SCD5: variants seen among roughly 807,000 people sequenced by gnomAD.
SCD5 encodes acyl-CoA-desaturase 4.
Under a neutral mutation model 30.4 loss-of-function variants are expected in SCD5, and 20 were observed. The observed-to-expected ratio is 0.66, with a 90% CI of 0.46 to 0.96. The LOEUF is 0.96. Ranked by LOEUF, SCD5 falls within the 40% of genes least tolerant of loss-of-function variation. SCD5 has a pLI of 0.00. For synonymous variants in SCD5, 173 were observed against 176.4 expected (o/e 0.98, Z 0.16); for missense variants, 381 against 443.3 (o/e 0.86, Z 1.26).
At chr4:82,724,631 T>C (rs1315366912) in intron 1 of SCD5, among the ~76,000 whole-genome samples, 1 of 152,192 alleles carries the variant, frequency 6.6e-6, no homozygotes, top group Non-Finnish European at 1.5e-5. Flanking sequence ...ATGGTGGCCG[T>C]GATTAGCTCT....
rs1300550137 is a variant in SCD5 at position 82,796,748 on chromosome 4, G to GGGAGA, written c.232+1553_232+1557dup. ...CCCAGCCCTGCCTCTGGAAGCAGGG[G>GGGAGA]GGAGAGAGGAGCTTGTTGGAGAACT... is the stretch of plus-strand genomic sequence containing the variant. On this transcript the variant is annotated intron_variant, in intron 1 of 4. Coordinates refer to ENST00000319540, the MANE Select transcript of SCD5 (RefSeq NM_001037582.3). 2.6e-5 allele frequency among the ~76,000 whole-genome samples: 4 copies of GGGAGA among 152,344 alleles called. No individual in the cohort carries two copies. The East Asian group carries it at 7.7e-4, about 29-fold the overall frequency.
chr4:82,705,518 G>A (rs1007199887), intron 1 of SCD5, 105 bp from the exon 2 acceptor site: 5 of 1,453,746 alleles, frequency 3.4e-6, no homozygotes, highest in Non-Finnish European at 4.7e-6. Flanking sequence ...ATGGTGTCAG[G>A]GGGGAAAGCT....
chr4:82,739,399 C>T (rs1294536603), intron 1 of SCD5, among the ~76,000 whole-genome samples: 1 of 152,220 alleles, frequency 6.6e-6, no homozygotes, highest in Non-Finnish European at 1.5e-5. Context: ...ACATCCCCTC[C>T]AGCTTTAAAT....
intron 1 of SCD5, among the ~76,000 whole-genome samples, chr4:82,759,321 T>C (rs1013737296): frequency 2.0e-5 from 3 of 152,194 alleles, no homozygotes; most frequent in African/African-American, 7.2e-5. Flanking sequence ...ATGTGGGCAG[T>C]TCCCCAAGGG....
At chr4:82,770,373 C>T (rs1485041657) in intron 1 of SCD5, among the ~76,000 whole-genome samples, 3 of 152,288 alleles carry the variant, frequency 2.0e-5, no homozygotes, top group Middle Eastern at 3.4e-3. Context: ...TAGCTGTGAT[C>T]ATCAGAGCAG....
chr4:82,636,918 G>T, intron 3 of SCD5, 95 bp from the exon 4 acceptor site: 1 of 1,065,984 alleles, frequency 9.4e-7, no homozygotes, highest in Non-Finnish European at 1.4e-6. Context: ...AAAGCCCAGG[G>T]AGAGAACTGT....
At chr4:82,643,383 G>A (rs6812648) in intron 3 of SCD5, among the ~76,000 whole-genome samples, 30,459 of 152,140 alleles carry the variant, frequency 0.2, 3,212 homozygotes, top group East Asian at 0.37. Flanking sequence ...TAGAATGCTA[G>A]TCAGCCATGA....
chr4:82,741,853 C>G (rs111348309), intron 1 of SCD5, among the ~76,000 whole-genome samples: 402 of 45,240 alleles, frequency 8.9e-3, no homozygotes, highest in East Asian at 0.021. Flanking sequence ...TCAGAGTGGG[C>G]GGGGGGGGGG....
At chr4:82,697,333 T>G (rs1050164751) in intron 2 of SCD5, among the ~76,000 whole-genome samples, 2 of 152,232 alleles carry the variant, frequency 1.3e-5, no homozygotes, top group African/African-American at 2.4e-5. Context: ...GTATTGCGGT[T>G]TTTTTGGTTT....
intron 2 of SCD5, among the ~76,000 whole-genome samples, chr4:82,698,937 C>T (rs1046706089): frequency 2.0e-5 from 3 of 152,154 alleles, no homozygotes; most frequent in South Asian, 2.1e-4. Flanking sequence ...GTAATATACA[C>T]GTTATGAGGA....
chr4:82,651,717 C>T (rs1317874498), intron 3 of SCD5, among the ~76,000 whole-genome samples: 5 of 151,974 alleles, frequency 3.3e-5, no homozygotes, highest in Non-Finnish European at 1.5e-5. Flanking sequence ...AGTTTGAGAC[C>T]AGCCTGGCCA....
chr4:82,668,778 G>A (rs1728244422), intron 3 of SCD5, among the ~76,000 whole-genome samples: 1 of 152,218 alleles, frequency 6.6e-6, no homozygotes, highest in Non-Finnish European at 1.5e-5. Flanking sequence ...GGGTAATTGA[G>A]TAGTAAGGGA....
chr4:82,673,519 A>T (rs1055618023), intron 3 of SCD5, among the ~76,000 whole-genome samples: 2 of 152,212 alleles, frequency 1.3e-5, no homozygotes, highest in African/African-American at 4.8e-5. Context: ...AGAACTAAAT[A>T]GATGAAGAGT....
At chr4:82,699,034 G>C (rs1719756864) in intron 2 of SCD5, among the ~76,000 whole-genome samples, 1 of 152,104 alleles carries the variant, frequency 6.6e-6, no homozygotes, top group Admixed American at 6.5e-5. Context: ...TGTGCATTTG[G>C]ACACTGGGAG....
intron 1 of SCD5, among the ~76,000 whole-genome samples, chr4:82,717,472 T>C (rs1720253091): frequency 6.6e-6 from 1 of 151,920 alleles, no homozygotes; most frequent in Non-Finnish European, 1.5e-5. Context: ...ACCCACTGAA[T>C]TTCCTTTTCA....
chr4:82,746,369 G>A (rs1359609080), intron 1 of SCD5, among the ~76,000 whole-genome samples: 1 of 152,220 alleles, frequency 6.6e-6, no homozygotes. Flanking sequence ...TTGATGAGAT[G>A]AGACTCCATA....
rs186034384 is a variant in SCD5 at position 82,634,892 on chromosome 4, G to T, written c.802+1699C>A. On this transcript the variant is annotated intron_variant, in intron 4 of 4. Coordinates refer to ENST00000319540, the MANE Select transcript of SCD5 (RefSeq NM_001037582.3). ...GAAGGGTTGGGGCACTGCCCCTCCT[G>T]TTTTCCAAGGCACTTTCTCCCTGCT... Among the ~76,000 whole-genome samples the T allele has an allele frequency of 2.6e-5, 4 of 152,374 alleles. No individual in the cohort carries two copies. The East Asian group carries it at 7.7e-4, about 29-fold the overall frequency.
intron 1 of SCD5, among the ~76,000 whole-genome samples, chr4:82,734,091 A>T (rs1720697495): frequency 6.6e-6 from 1 of 152,224 alleles, no homozygotes; most frequent in South Asian, 2.1e-4. Flanking sequence ...TTGCTGTTAG[A>T]GGTAGATAAC....
intron 1 of SCD5, among the ~76,000 whole-genome samples, chr4:82,768,832 G>C (rs927236895): frequency 1.1e-4 from 17 of 152,134 alleles, no homozygotes; most frequent in African/African-American, 4.1e-4. Context: ...TTTGAAAGAA[G>C]AGGTGCAGGC....
Sources: allele counts gnomAD v4.1 joint callset (sites outside exome capture counted in the v4.1 genomes callset), GRCh38; gene constraint gnomAD v4.1.1; transcripts MANE v1.5; gene names NCBI Gene and HGNC (gene_info 2026-07-23, HGNC 2026-07-21).